Variants in TMEM67 observed in about 807,000 individuals in gnomAD.
TMEM67 encodes transmembrane protein 67.
Under a neutral mutation model 136.6 loss-of-function variants are expected in TMEM67, and 124 were observed. The ratio of observed to expected loss-of-function variants is 0.91; its 90% confidence interval spans 0.78 to 1.05. The LOEUF (loss-of-function observed/expected upper bound fraction) is 1.05, where lower values mean the gene tolerates loss of function less well. Among genes scored for constraint, TMEM67 ranks in the 50% least tolerant of loss-of-function variants. TMEM67 has a pLI of 0.00. For missense variants in TMEM67, 1,107 were observed against 1,178.4 expected, an observed-to-expected ratio of 0.94 and a Z score of 0.89; for synonymous variants, 364 against 390.5, an observed-to-expected ratio of 0.93 and a Z score of 0.80.
In TMEM67 at chr8:93,818,060, C is replaced by T. The variant is rs555839637; in HGVS notation, c.*1608C>T. ...AAAACAGAAAACATTTAAAATCATT[C>T]TAAATTTTGTATGATATTTTTATTT... On this transcript the variant is annotated 3_prime_UTR_variant, in exon 28 of 28. Transcript: ENST00000453321. 71 of 152,258 alleles carry T rather than the reference C, an allele frequency of 4.7e-4. No individual in the cohort carries two copies. The highest frequency in any genetic ancestry group is 1.6e-3 in the African/African-American group (68 of 41,560). The allele number at this position is 152,258 out of a possible 1,614,324, so 9.4% of individuals were successfully genotyped here.
chr8:93,765,385 T>G lies in TMEM67; in HGVS notation c.507-21T>G, dbSNP rs1204077335. ...TATAATTTATTAACATTTTTAAAAT[T>G]ATTTTTGTTATATTGAACAGGTGCG... On this transcript the variant is annotated intron_variant, in intron 4 of 27. Coordinates refer to ENST00000453321, the MANE Select transcript of TMEM67 (RefSeq NM_153704.6). 3 of 1,594,832 alleles carry G rather than the reference T, an allele frequency of 1.9e-6. No homozygotes were observed. In the Admixed American group the frequency reaches 5.0e-5, roughly 27 times the overall value.
intron 26 of TMEM67, 82 bp downstream of exon 26, chr8:93,809,969 T>C: frequency 2.2e-6 from 2 of 919,936 alleles, no homozygotes; most frequent in South Asian, 3.0e-5. Flanking sequence ...TTTTCTTTTT[T>C]TCTTTTTTTT....
At chr8:93,803,735 G>T in intron 22 of TMEM67, 51 bp downstream of exon 22, 1 of 1,120,532 alleles carries the variant, frequency 8.9e-7, no homozygotes, top group South Asian at 1.2e-5. Context: ...CTTTTTAAAG[G>T]TCATGAGTTT....
At position 93,809,643 on chromosome 8, in the gene TMEM67, G is replaced by A. The variant is rs4735239; in HGVS notation, c.2662-142G>A. 0.017 allele frequency: 10,152 copies of A among 611,994 alleles called. 785 individuals carry two copies. In the East Asian group the frequency reaches 0.19, roughly 11 times the overall value. 37.9% of individuals were successfully genotyped at this position (611,994 alleles called of 1,614,324 possible). ...AGAGAATTTTGTTATAGGTTTCAAT[G>A]TAGTAACTTCAGTCTTTTTGAAGAA... On this transcript the variant is annotated intron_variant, in intron 25 of 27. Transcript: ENST00000453321.
At chr8:93,795,656 T>C in intron 17 of TMEM67, 149 bp downstream of exon 17, 1 of 732,932 alleles carries the variant, frequency 1.4e-6, no homozygotes, top group Non-Finnish European at 2.4e-6. Flanking sequence ...TGTGCTGAGC[T>C]TATCGATTAC....
rs1216858996 is a variant in TMEM67 at position 93,789,651 on chromosome 8, A to T, written c.1519-1612A>T. Reference sequence around the variant, plus strand: ...CAAGAGTGAAACTCTGTCTCAAAAAAATATATATATATATATATATTTTTT... The same window carrying T: ...CAAGAGTGAAACTCTGTCTCAAAAATATATATATATATATATATATTTTTT... On this transcript the variant is annotated intron_variant, in intron 14 of 27. Coordinates refer to ENST00000453321, the MANE Select transcript of TMEM67 (RefSeq NM_153704.6). 1.8e-4 allele frequency among the ~76,000 whole-genome samples: 17 copies of T among 95,810 alleles called. No individual in the cohort carries two copies. The South Asian group carries it at 2.1e-3, about 12-fold the overall frequency. The allele number at this position is 95,810 out of a possible 152,430, so 62.9% of individuals were successfully genotyped here.
Position 93,797,438 on chromosome 8 carries a change from T to G in TMEM67, c.2068T>G (p.Phe690Val). 6.2e-7 allele frequency: 1 copy of G among 1,613,998 alleles called. No individual in the cohort carries two copies. The highest frequency in any genetic ancestry group is 8.5e-7 in the Non-Finnish European group (1 of 1,179,898). Residue 690 changes from phenylalanine (F) to valine (V), a missense_variant, in exon 20 of 28, where the codon TTT becomes GTT. This residue lies in a region of TMEM67 where 925 missense variants were observed against 1,002.4 expected (regional missense o/e 0.92). Transcript: ENST00000453321. ...GACTGTGAGAAAAATTAATTCACTCTTTCAAGTACTTACTGTCCTCTTCTT... is the reference window on the plus strand; with the variant it reads ...GACTGTGAGAAAAATTAATTCACTCGTTCAAGTACTTACTGTCCTCTTCTT... ...IQTVRKINSL[F>V]QVLTVLFFLE...
At chr8:93,760,511 A>G (rs1194663472) in intron 3 of TMEM67, among the ~76,000 whole-genome samples, 1 of 152,194 alleles carries the variant, frequency 6.6e-6, no homozygotes, top group African/African-American at 2.4e-5. Context: ...AAATATGAAT[A>G]TATGAAAGTT....
intron 7 of TMEM67, 136 bp from the exon 8 acceptor site, chr8:93,780,457 T>C (rs1346078739): frequency 1.1e-6 from 1 of 881,444 alleles, no homozygotes; most frequent in African/African-American, 1.6e-5. Context: ...GCGTTGATTA[T>C]GCTGGGAGCT....
At position 93,760,095 on chromosome 8, in the gene TMEM67, C is replaced by T. The variant is rs548875608; in HGVS notation, c.406+1519C>T. On this transcript the variant is annotated intron_variant, in intron 3 of 27. Coordinates refer to ENST00000453321, the MANE Select transcript of TMEM67 (RefSeq NM_153704.6). ...TATTAGAAAGATGCAACTCTTCTAC[C>T]AGTCTGTATATTTTAAAGGACCCTA... 1.2e-4 allele frequency: 94 copies of T among 784,174 alleles called. No individual in the cohort carries two copies. In the African/African-American group the frequency reaches 1.7e-3, roughly 14 times the overall value. 48.6% of individuals were successfully genotyped at this position (784,174 alleles called of 1,614,324 possible). A position where few individuals can be genotyped will look rare whatever the true frequency, so the allele number is the denominator to read the frequency against.
chr8:93,821,812 G>A (rs145616547), downstream of TMEM67, among the ~76,000 whole-genome samples: 228 of 152,252 alleles, frequency 1.5e-3, no homozygotes, highest in African/African-American at 5.3e-3. Flanking sequence ...GATCACTTGA[G>A]CCCAGGGAGG....
intron 11 of TMEM67, among the ~76,000 whole-genome samples, chr8:93,784,008 G>A (rs1230889557): frequency 6.6e-6 from 1 of 152,132 alleles, no homozygotes; most frequent in East Asian, 1.9e-4. Context: ...TCTTGATAAA[G>A]TTCCACGCAC....
the TMEM67 span, among the ~76,000 whole-genome samples, chr8:93,827,261 C>A: frequency 6.6e-6 from 1 of 152,188 alleles, no homozygotes; most frequent in Non-Finnish European, 1.5e-5. Context: ...TTGAACATGA[C>A]CCATAGTATG....
At chr8:93,824,460 C>G in the TMEM67 span, among the ~76,000 whole-genome samples, 1 of 152,176 alleles carries the variant, frequency 6.6e-6, no homozygotes, top group Non-Finnish European at 1.5e-5. Context: ...CTGTCCTGTT[C>G]TCTAAAGAAA....
At position 93,754,962 on chromosome 8, in the gene TMEM67, C is replaced by G. The variant is rs1167084529; in HGVS notation, c.48C>G (p.Leu16=). Residue 16 remains leucine, a synonymous_variant, in exon 1 of 28, where the codon CTC becomes CTG. Coordinates refer to ENST00000453321, the MANE Select transcript of TMEM67 (RefSeq NM_153704.6). Reference sequence around the variant, plus strand: ...GGGTGGCAATGGCGGTTTGGTCCCTCTTATCCGCCCGGGCCGTGACCGCGT... The same window carrying G: ...GGGTGGCAATGGCGGTTTGGTCCCTGTTATCCGCCCGGGCCGTGACCGCGT... The part of the protein sequence containing the change: ...GAGVAMAVWS[L]LSARAVTAFL... The G allele has an allele frequency of 3.1e-6, 5 of 1,614,184 alleles. No homozygotes were observed. Among genetic ancestry groups the G allele is most frequent in the South Asian group, 1.1e-5 (1 of 91,076 alleles).
chr8:93,814,916 A>G (rs568655307), intron 26 of TMEM67, among the ~76,000 whole-genome samples: 3 of 152,204 alleles, frequency 2.0e-5, no homozygotes, highest in African/African-American at 2.4e-5. Context: ...CTTGAACACT[A>G]TGTACTTACT....
intron 3 of TMEM67, among the ~76,000 whole-genome samples, chr8:93,760,265 A>G (rs992824805): frequency 2.0e-4 from 30 of 152,228 alleles, no homozygotes; most frequent in Non-Finnish European, 2.1e-4. Context: ...TGCATGTTAT[A>G]TAGCTACTAT....
chr8:93,808,866 G>A lies in TMEM67; in HGVS notation c.2466G>A (p.Leu822=), dbSNP rs1808574790. The change falls in exon 24 of 28, where the codon TTG becomes TTA. Residue 822 remains leucine, a synonymous_variant. Transcript: ENST00000453321. ...EAENLCSQRG[L]VPNTDGQTFE... is the part of the protein sequence containing the mutation. ...AAAATTTGTGTAGCCAGAGAGGTTT[G>A]GTACCCAACACAGATGGTCAGACTT... is the stretch of plus-strand genomic sequence containing the variant. The A allele has an allele frequency of 6.2e-7, 1 of 1,611,312 alleles. No homozygotes were observed. Among genetic ancestry groups the A allele is most frequent in the African/African-American group, 1.3e-5 (1 of 74,774 alleles).
At chr8:93,785,485 C>G (rs1040227117) in intron 12 of TMEM67, 107 bp downstream of exon 12, 19 of 1,181,412 alleles carry the variant, frequency 1.6e-5, no homozygotes, top group Non-Finnish European at 2.4e-5. Flanking sequence ...GTCATGAATT[C>G]TCTCTTATGT....
Sources: gnomAD v4.1 joint callset for allele counts (sites outside exome capture counted in the v4.1 genomes callset) on GRCh38, gnomAD v4.1.1 for gene constraint, gnomAD v4.1.1 regional missense constraint, MANE v1.5 for transcripts, NCBI Gene and HGNC (gene_info 2026-07-23, HGNC 2026-07-21) for gene names.